GRID2: variants seen among roughly 807,000 people sequenced by gnomAD.
GRID2 encodes glutamate ionotropic receptor delta type subunit 2, also known as glutamate receptor ionotropic, delta-2.
In GRID2, 33 loss-of-function variants were observed where a neutral mutation model predicts 114.8. The ratio of observed to expected loss-of-function variants is 0.29; its 90% CI spans 0.22 to 0.38. GRID2 has a LOEUF of 0.38. Among genes scored for constraint, GRID2 ranks in the 10% least tolerant of loss-of-function variants. The pLI, the probability that GRID2 is intolerant of heterozygous loss-of-function variation, is 1.00. For missense variants in GRID2, 1,184 were observed against 1,257.7 expected, an observed-to-expected ratio of 0.94 and a Z score of 0.89; for synonymous variants, 505 against 449.9, an observed-to-expected ratio of 1.12 and a Z score of -1.55.
chr4:93,096,394 T>C (rs915319502), intron 3 of GRID2, among the ~76,000 whole-genome samples: 3 of 151,920 alleles, frequency 2.0e-5, no homozygotes, highest in African/African-American at 7.2e-5. Flanking sequence ...CATTAAGAAA[T>C]AGACAAACTA....
intron 13 of GRID2, among the ~76,000 whole-genome samples, chr4:93,533,957 G>A (rs1288108640): frequency 6.6e-6 from 1 of 152,010 alleles, no homozygotes; most frequent in Non-Finnish European, 1.5e-5. Context: ...TATGATCTAT[G>A]TTCACCCACC....
rs1414609636 is a variant in GRID2 at position 93,531,618 on chromosome 4, ATAT to A, written c.2193+16211_2193+16213del. Among the ~76,000 whole-genome samples the A allele has an allele frequency of 5.3e-5, 8 of 152,222 alleles. No individual in the cohort carries two copies. The South Asian group carries it at 1.5e-3, about 28-fold the overall frequency. ...AAATACTCTTAATCTTTAAGTGTAAATATTATATTAAGTTGATAATAGATAAAC... is the reference window on the plus strand; with the variant it reads ...AAATACTCTTAATCTTTAAGTGTAAATATATTAAGTTGATAATAGATAAAC... On this transcript the variant is annotated intron_variant, in intron 13 of 15. Transcript: ENST00000282020.
At chr4:93,400,592 T>C (rs1035615650) in intron 9 of GRID2, among the ~76,000 whole-genome samples, 1 of 152,056 alleles carries the variant, frequency 6.6e-6, no homozygotes, top group African/African-American at 2.4e-5. Flanking sequence ...ATAATCATAA[T>C]ATATATGATA....
intron 2 of GRID2, among the ~76,000 whole-genome samples, chr4:92,888,198 T>A (rs11097351): frequency 0.57 from 87,220 of 152,020 alleles, 26,335 homozygotes; most frequent in Middle Eastern, 0.76. Flanking sequence ...TTGTATCTAT[T>A]GTTTAAAACT....
At position 92,974,381 on chromosome 4, in the gene GRID2, T is replaced by G. The variant is rs143572016; in HGVS notation, c.245-110614T>G. ...TAAATCATTCTACGATAAAGACACA[T>G]GTACATGTATCTTTATTGTGGCACT... On this transcript the variant is annotated intron_variant, in intron 2 of 15. Coordinates refer to ENST00000282020, the MANE Select transcript of GRID2 (RefSeq NM_001510.4). Among the ~76,000 whole-genome samples, 809 of 152,206 alleles carry G rather than the reference T, an allele frequency of 5.3e-3. 8 individuals carry two copies. The highest frequency in any genetic ancestry group is 0.019 in the African/African-American group (774 of 41,534).
intron 2 of GRID2, among the ~76,000 whole-genome samples, chr4:92,600,379 A>G (rs1729168896): frequency 6.6e-6 from 1 of 151,892 alleles, no homozygotes; most frequent in Non-Finnish European, 1.5e-5. Flanking sequence ...CTTACAGGTC[A>G]AGGGATGAGA....
intron 8 of GRID2, among the ~76,000 whole-genome samples, chr4:93,297,296 C>T (rs1579584148): frequency 6.6e-6 from 1 of 152,108 alleles, no homozygotes; most frequent in East Asian, 1.9e-4. Flanking sequence ...ATAAAATTAC[C>T]GATAAGACCT....
chr4:93,590,005 C>T (rs1217764866), intron 13 of GRID2, among the ~76,000 whole-genome samples: 2 of 150,514 alleles, frequency 1.3e-5, no homozygotes, highest in African/African-American at 4.9e-5. Context: ...TTGTAGGTTG[C>T]CTGTTCACTC....
At chr4:93,336,715 GA>G (rs1298040676) in intron 8 of GRID2, among the ~76,000 whole-genome samples, 1 of 151,544 alleles carries the variant, frequency 6.6e-6, no homozygotes, top group African/African-American at 2.4e-5. Context: ...TATTGTCCAA[GA>G]AAAAAAGGGT....
chr4:92,928,527 T>G (rs1259425096), intron 2 of GRID2, among the ~76,000 whole-genome samples: 2 of 151,656 alleles, frequency 1.3e-5, no homozygotes, highest in Non-Finnish European at 3.0e-5. Flanking sequence ...TGTGCCAATG[T>G]AGTTCTGCAG....
intron 2 of GRID2, among the ~76,000 whole-genome samples, chr4:92,960,212 G>A (rs1158212901): frequency 6.6e-6 from 1 of 151,904 alleles, no homozygotes; most frequent in African/African-American, 2.4e-5. Flanking sequence ...AATTTTCCAT[G>A]TTAGCTTGAG....
At chr4:93,137,728 A>G (rs1323087844) in intron 4 of GRID2, among the ~76,000 whole-genome samples, 1 of 152,212 alleles carries the variant, frequency 6.6e-6, no homozygotes, top group East Asian at 1.9e-4. Context: ...TGAAAATATC[A>G]TGGGGGATGT....
rs78759177 is a variant in GRID2, at chr4:93,761,280, T to G, written c.2361-7930T>G. Among the ~76,000 whole-genome samples the G allele has an allele frequency of 7.0e-3, 1,062 of 152,324 alleles. 14 individuals carry two copies. The highest frequency in any genetic ancestry group is 0.024 in the African/African-American group (1,014 of 41,564). ...AAACGGACTCATACTTTCCAATGATTGGACTTGCTATATCACTTAAGCCAC... is the reference window on the plus strand; with the variant it reads ...AAACGGACTCATACTTTCCAATGATGGGACTTGCTATATCACTTAAGCCAC... On this transcript the variant is annotated intron_variant, in intron 14 of 15. Transcript: ENST00000282020.
At chr4:92,392,239 A>C (rs1256365827) in intron 1 of GRID2, among the ~76,000 whole-genome samples, 1 of 152,058 alleles carries the variant, frequency 6.6e-6, no homozygotes, top group African/African-American at 2.4e-5. Context: ...AATTCTACAT[A>C]ATTCAGTGTG....
At chr4:92,870,052 AT>A in intron 2 of GRID2, among the ~76,000 whole-genome samples, 1 of 151,590 alleles carries the variant, frequency 6.6e-6, no homozygotes, top group East Asian at 1.9e-4. Flanking sequence ...AAAAAAAAAA[AT>A]AGCCAGGCTT....
At chr4:92,773,722 A>G (rs541190992) in intron 2 of GRID2, among the ~76,000 whole-genome samples, 150 of 152,054 alleles carry the variant, frequency 9.9e-4, no homozygotes, top group Non-Finnish European at 1.8e-3. Context: ...TTATCTATCT[A>G]TTTTAAAGAG....
chr4:93,078,977 A>G (rs1729613728), intron 2 of GRID2, among the ~76,000 whole-genome samples: 1 of 149,244 alleles, frequency 6.7e-6, no homozygotes, highest in South Asian at 2.1e-4. Context: ...ATACATAGTA[A>G]ATATCAAAAA....
At chr4:92,384,006 A>G (rs548602301) in intron 1 of GRID2, among the ~76,000 whole-genome samples, 40 of 152,044 alleles carry the variant, frequency 2.6e-4, no homozygotes, top group African/African-American at 9.2e-4. Flanking sequence ...ACCTTTCTTA[A>G]TGGAAATATC....
intron 2 of GRID2, among the ~76,000 whole-genome samples, chr4:92,636,528 C>T (rs561353330): frequency 5.3e-4 from 80 of 152,158 alleles, no homozygotes; most frequent in Non-Finnish European, 1.0e-3. Flanking sequence ...CTTGGTGATA[C>T]ATTTCACAGT....
Sources: allele counts gnomAD v4.1 joint callset (sites outside exome capture counted in the v4.1 genomes callset), GRCh38; gene constraint gnomAD v4.1.1; transcripts MANE v1.5; gene names NCBI Gene and HGNC (gene_info 2026-07-23, HGNC 2026-07-21).